GPC4: variants seen among roughly 807,000 people sequenced by gnomAD.
GPC4 encodes glypican-4.
GPC4 carries 10 observed loss-of-function variants against 35.0 expected under a neutral mutation model. The ratio of observed to expected loss-of-function variants is 0.29; its 90% CI spans 0.18 to 0.48. The LOEUF (loss-of-function observed/expected upper bound fraction) is 0.48. Ranked by LOEUF, GPC4 falls within the 20% of genes least tolerant of loss-of-function variation. The probability of loss-of-function intolerance (pLI) is 0.99; values close to 1 mark genes in which losing one functional copy is unlikely to be tolerated. For synonymous variants in GPC4, 167 were observed against 170.2 expected (o/e 0.98, Z 0.15); for missense variants, 322 against 451.3 (o/e 0.71, Z 2.60).
chrX:133,320,016 T>C lies in GPC4; in HGVS notation c.711+4129A>G, dbSNP rs180922439. Among the ~76,000 whole-genome samples the C allele has an allele frequency of 9.1e-4, 102 of 111,922 alleles. 2 individuals carry two copies. Among genetic ancestry groups the C allele is most frequent in the Admixed American group, 7.2e-3 (76 of 10,517 alleles). On this transcript the variant is annotated intron_variant, in intron 3 of 8. Coordinates refer to ENST00000370828, the MANE Select transcript of GPC4 (RefSeq NM_001448.3). Reference sequence around the variant, plus strand: ...TGCCTATATGCTTTATTCATTTAGATAATATAATTAATTTAATTAAAGGGT... The same window carrying C: ...TGCCTATATGCTTTATTCATTTAGACAATATAATTAATTTAATTAAAGGGT...
At chrX:133,330,299 G>T (rs1428836960) in intron 2 of GPC4, among the ~76,000 whole-genome samples, 1 of 111,079 alleles carries the variant, frequency 9.0e-6, no homozygotes, top group Non-Finnish European at 1.9e-5. Flanking sequence ...CCTTGTAAAT[G>T]CTACAAATCA....
chrX:133,353,441 TCAGA>T (rs1173601085), intron 1 of GPC4, among the ~76,000 whole-genome samples: 1 of 112,042 alleles, frequency 8.9e-6, no homozygotes, highest in Non-Finnish European at 1.9e-5. Context: ...ATTGAAAGTA[TCAGA>T]CAGCTTTCTC....
At chrX:133,357,106 A>G (rs933437251) in intron 1 of GPC4, among the ~76,000 whole-genome samples, 3 of 110,794 alleles carry the variant, frequency 2.7e-5, no homozygotes, top group South Asian at 3.9e-4. Flanking sequence ...TTTTAGGGCC[A>G]GGTGCAGTGG....
intron 1 of GPC4, among the ~76,000 whole-genome samples, chrX:133,344,244 T>G (rs2068481731): frequency 1.7e-5 from 1 of 57,362 alleles, no homozygotes; most frequent in Admixed American, 2.1e-4. Context: ...TTTTTTTTTT[T>G]GATGGAGTTT....
At chrX:133,324,096 T>C in intron 3 of GPC4, 49 bp downstream of exon 3, 1 of 1,132,840 alleles carries the variant, frequency 8.8e-7, no homozygotes, top group Non-Finnish European at 1.2e-6. Context: ...TCTTTTAACA[T>C]GAAAGAAAAC....
intron 1 of GPC4, among the ~76,000 whole-genome samples, chrX:133,376,979 GTTC>G (rs1015196606): frequency 2.7e-5 from 3 of 111,833 alleles, no homozygotes; most frequent in Admixed American, 9.5e-5. Context: ...TTGGTGTTTT[GTTC>G]TTCTTTTTCC....
rs753375530 is a variant in GPC4, at chrX:133,404,866, A to AAAAAAAAAAAAAAAAG, written c.160+9939_160+9940insCTTTTTTTTTTTTTTT. ...GACCCTGTCTCAAAAAAAAAAAAAAAAAGGTGCAGAGGAACAAAATCATAA... is the reference window on the plus strand; with the variant it reads ...GACCCTGTCTCAAAAAAAAAAAAAAAAAAAAAAAAAAAAAAGAAGGTGCAGAGGAACAAAATCATAA... On this transcript the variant is annotated intron_variant, in intron 1 of 8. Transcript: ENST00000370828. Among the ~76,000 whole-genome samples, 12 of 89,271 alleles carry AAAAAAAAAAAAAAAAG rather than the reference A, an allele frequency of 1.3e-4. 3 individuals are homozygous for AAAAAAAAAAAAAAAAG. The highest frequency in any genetic ancestry group is 5.7e-4 in the African/African-American group (11 of 19,227). The allele number at this position is 89,271 out of a possible 115,157, so 77.5% of individuals were successfully genotyped here. A position where few individuals can be genotyped will look rare whatever the true frequency, so the allele number is the denominator to read the frequency against.
chrX:133,377,436 G>A (rs766731290), intron 1 of GPC4, among the ~76,000 whole-genome samples: 1 of 112,008 alleles, frequency 8.9e-6, no homozygotes, highest in African/African-American at 3.2e-5. Context: ...TTGTCCTATA[G>A]TGCTCATTTC....
chrX:133,383,605 G>A (rs2068673581), intron 1 of GPC4, among the ~76,000 whole-genome samples: 1 of 111,402 alleles, frequency 9.0e-6, no homozygotes, highest in Admixed American at 9.5e-5. Flanking sequence ...CAGCACTTTG[G>A]GAGGTGGAGG....
intron 2 of GPC4, among the ~76,000 whole-genome samples, chrX:133,326,825 G>C (rs1366612516): frequency 8.9e-6 from 1 of 112,610 alleles, no homozygotes; most frequent in East Asian, 2.8e-4. Flanking sequence ...TAACATAGAT[G>C]ATTAAATGTA....
At chrX:133,364,085 T>C (rs923168432) in intron 1 of GPC4, among the ~76,000 whole-genome samples, 5 of 112,171 alleles carry the variant, frequency 4.5e-5, no homozygotes, top group African/African-American at 6.5e-5. Flanking sequence ...TATTCAACAG[T>C]TGATATTGAT....
intron 1 of GPC4, among the ~76,000 whole-genome samples, chrX:133,342,726 G>A (rs1033026263): frequency 1.3e-4 from 15 of 111,351 alleles, no homozygotes; most frequent in Admixed American, 4.8e-4. Flanking sequence ...AGGAAAAGGA[G>A]GACAAGTCTG....
chrX:133,311,394 G>A lies in GPC4; in HGVS notation c.741C>T (p.Ala247=), dbSNP rs2068313593. Residue 247 remains alanine (A), a synonymous_variant, in exon 4 of 9, where the codon GCC becomes GCT. Transcript: ENST00000370828. ...VVNPTAQCTH[A]LLKMIYCSHC... ...GGGAGCAGTAGATCATCTTCAACAG[G>A]GCATGGGTACACTGGGCTGTGGGGT... 2.5e-6 allele frequency: 3 copies of A among 1,209,409 alleles called. No individual in the cohort carries two copies. The highest frequency in any genetic ancestry group is 1.7e-5 in the African/African-American group (1 of 57,155).
intron 1 of GPC4, among the ~76,000 whole-genome samples, chrX:133,349,027 C>T (rs962725748): frequency 3.6e-5 from 4 of 112,214 alleles, no homozygotes; most frequent in Middle Eastern, 4.6e-3. Context: ...AGACAGAAAA[C>T]GCCATTGGTG....
chrX:133,359,562 T>A (rs1391074554), intron 1 of GPC4, among the ~76,000 whole-genome samples: 2 of 111,811 alleles, frequency 1.8e-5, no homozygotes, highest in Non-Finnish European at 3.8e-5. Flanking sequence ...TTTTGCTCTA[T>A]CAAAGGGAGG....
intron 1 of GPC4, among the ~76,000 whole-genome samples, chrX:133,411,724 C>T (rs112838578): frequency 3.7e-3 from 410 of 111,459 alleles, no homozygotes; most frequent in African/African-American, 0.013. Flanking sequence ...ACATAGTGGG[C>T]GCTCCAAAAG....
At position 133,305,765 on chromosome X, in the gene GPC4, C is replaced by CTCCA. The variant is rs776229561; in HGVS notation, c.1155+6_1155+7insTGGA. The CTCCA allele has an allele frequency of 1.7e-6, 2 of 1,210,363 alleles. No individual in the cohort carries two copies. Among genetic ancestry groups the CTCCA allele is most frequent in the East Asian group, 5.9e-5 (2 of 33,837 alleles). On this transcript the variant is annotated splice_region_variant and intron_variant, in intron 6 of 8. Transcript: ENST00000370828. ...TTAAACACGGCCCTTCCTGCCAAAA[C>CTCCA]GCTCACCAGTCGGTCCAAACTAGTG...
intron 3 of GPC4, among the ~76,000 whole-genome samples, chrX:133,316,715 G>C (rs772914142): frequency 9.0e-6 from 1 of 111,548 alleles, no homozygotes; most frequent in Non-Finnish European, 1.9e-5. Flanking sequence ...TATGTATTTA[G>C]AACTATTCAA....
chrX:133,404,580 G>C (rs2068778880), intron 1 of GPC4, among the ~76,000 whole-genome samples: 2 of 89,023 alleles, frequency 2.2e-5, no homozygotes, highest in South Asian at 1.1e-3. Flanking sequence ...GTGCAGAGGG[G>C]CCGGGCGTGG....
Sources: allele counts gnomAD v4.1 joint callset (sites outside exome capture counted in the v4.1 genomes callset), GRCh38; gene constraint gnomAD v4.1.1; transcripts MANE v1.5; gene names NCBI Gene and HGNC (gene_info 2026-07-23, HGNC 2026-07-21).